Variants in GABRG3 observed in about 807,000 individuals in gnomAD.
GABRG3 encodes gamma-aminobutyric acid receptor subunit gamma-3.
A neutral mutation model predicts 48.8 loss-of-function variants in GABRG3; 25 were observed. The observed-to-expected ratio is 0.51, with a 90% CI of 0.37 to 0.72. The LOEUF (loss-of-function observed/expected upper bound fraction) is 0.72. GABRG3 is among the 30% of genes least tolerant of loss of function. The probability of loss-of-function intolerance (pLI) is 0.00; values close to 1 mark genes in which losing one functional copy is unlikely to be tolerated. For missense variants in GABRG3, 394 were observed against 577.9 expected (o/e 0.68, Z 3.26); for synonymous variants, 227 against 217.6 (o/e 1.04, Z -0.38).
At chr15:27,353,968 C>T (rs905775180) in intron 5 of GABRG3, among the ~76,000 whole-genome samples, 2 of 152,148 alleles carry the variant, frequency 1.3e-5, no homozygotes, top group African/African-American at 4.8e-5. Context: ...GCACCTCCAG[C>T]CCCTGGGGCA....
intron 3 of GABRG3, among the ~76,000 whole-genome samples, chr15:27,311,526 G>A (rs191108834): frequency 2.6e-4 from 39 of 152,038 alleles, no homozygotes; most frequent in Non-Finnish European, 7.4e-5. Context: ...GCAGCTAGTC[G>A]CCACAGCTTT....
chr15:27,432,621 T>C (rs1054952942), intron 5 of GABRG3, among the ~76,000 whole-genome samples: 1 of 152,174 alleles, frequency 6.6e-6, no homozygotes, highest in African/African-American at 2.4e-5. Flanking sequence ...GTCTCAGGTT[T>C]TTCCAGAACA....
Position 27,536,796 on chromosome 15 carries a change from C to A in GABRG3, c.*3915C>A, listed in dbSNP as rs539460498. ...ACACTCGAAGCAACAGGAGAGGGGC[C>A]GGTAACCCATTCTGCATTGACTCCA... is the stretch of plus-strand genomic sequence containing the variant. On this transcript the variant is annotated 3_prime_UTR_variant, in exon 10 of 10. Coordinates refer to ENST00000615808, the MANE Select transcript of GABRG3 (RefSeq NM_033223.5). 1 of 152,062 alleles carries A rather than the reference C, an allele frequency of 6.6e-6. No homozygotes were observed. The highest frequency in any genetic ancestry group is 1.9e-4 in the East Asian group (1 of 5,190). The allele number at this position is 152,062 out of a possible 1,614,324, so 9.4% of individuals were successfully genotyped here. A position where few individuals can be genotyped will look rare whatever the true frequency, so the allele number is the denominator to read the frequency against.
At chr15:27,043,572 C>G (rs1255337746) in intron 3 of GABRG3, among the ~76,000 whole-genome samples, 1 of 152,202 alleles carries the variant, frequency 6.6e-6, no homozygotes, top group Non-Finnish European at 1.5e-5. Context: ...TCCCATGCTT[C>G]TGCTTCCTTC....
At chr15:27,360,845 T>G in intron 5 of GABRG3, among the ~76,000 whole-genome samples, 1 of 152,226 alleles carries the variant, frequency 6.6e-6, no homozygotes, top group South Asian at 2.1e-4. Flanking sequence ...CCTGATGAGT[T>G]TGTGGGATGC....
chr15:27,386,495 G>T (rs564221357), intron 5 of GABRG3, among the ~76,000 whole-genome samples: 1 of 152,100 alleles, frequency 6.6e-6, no homozygotes, highest in South Asian at 2.1e-4. Flanking sequence ...GTTTGTCACC[G>T]AGATCTATAT....
intron 3 of GABRG3, among the ~76,000 whole-genome samples, chr15:27,063,183 A>G (rs1294013970): frequency 6.6e-6 from 1 of 152,258 alleles, no homozygotes; most frequent in African/African-American, 2.4e-5. Flanking sequence ...AGTGGAAAGC[A>G]GCTGACCAAC....
intron 3 of GABRG3, among the ~76,000 whole-genome samples, chr15:27,103,439 C>A: frequency 6.6e-6 from 1 of 152,150 alleles, no homozygotes; most frequent in East Asian, 1.9e-4. Context: ...ATCCAGGGTC[C>A]ACAGCATGTC....
rs1225872353 is a variant in GABRG3, at chr15:27,351,611, GTA to G, written c.574+22725_574+22726del. 6.1e-5 allele frequency among the ~76,000 whole-genome samples: 9 copies of G among 146,664 alleles called. No individual in the cohort carries two copies. The South Asian group carries it at 6.7e-4, about 11-fold the overall frequency. On this transcript the variant is annotated intron_variant, in intron 5 of 9. Coordinates refer to ENST00000615808, the MANE Select transcript of GABRG3 (RefSeq NM_033223.5). ...TGTGTATGGCGTTTGTGTGTGTATG[GTA>G]TGTGTGTGTATGGTATGTGTTTGTG...
At chr15:27,297,352 G>C (rs1892030177) in intron 3 of GABRG3, among the ~76,000 whole-genome samples, 1 of 152,128 alleles carries the variant, frequency 6.6e-6, no homozygotes, top group Non-Finnish European at 1.5e-5. Context: ...GGATGTCTTG[G>C]CCTTCACATT....
chr15:27,133,020 A>G (rs1414623189), intron 3 of GABRG3, among the ~76,000 whole-genome samples: 3 of 151,848 alleles, frequency 2.0e-5, no homozygotes, highest in Admixed American at 6.6e-5. Flanking sequence ...TTACCGCAAG[A>G]TATTTTCTAA....
At chr15:27,383,396 C>G (rs981747550) in intron 5 of GABRG3, among the ~76,000 whole-genome samples, 1 of 152,052 alleles carries the variant, frequency 6.6e-6, no homozygotes, top group African/African-American at 2.4e-5. Context: ...TGTGATATGC[C>G]CCATAGAAAC....
intron 3 of GABRG3, among the ~76,000 whole-genome samples, chr15:27,316,332 G>A (rs910606004): frequency 6.9e-6 from 1 of 145,196 alleles, no homozygotes; most frequent in African/African-American, 2.6e-5. Context: ...AGCTTGCAGT[G>A]AGCCGAGATC....
intron 3 of GABRG3, among the ~76,000 whole-genome samples, chr15:27,130,827 C>T (rs151160716): frequency 3.6e-4 from 55 of 152,040 alleles, no homozygotes; most frequent in Non-Finnish European, 5.7e-4. Context: ...TTCTTTGTTA[C>T]GTGAAAATAT....
chr15:27,434,952 C>G (rs957551485), intron 5 of GABRG3, among the ~76,000 whole-genome samples: 2 of 152,158 alleles, frequency 1.3e-5, no homozygotes, highest in Non-Finnish European at 2.9e-5. Context: ...TTCCACTTCT[C>G]TCCAATCCAA....
At chr15:27,307,261 T>TATAACCATAGGTTTA (rs1217334641) in intron 3 of GABRG3, among the ~76,000 whole-genome samples, 10 of 40,126 alleles carry the variant, frequency 2.5e-4, no homozygotes, top group African/African-American at 7.9e-4. Context: ...CATGTTCATA[T>TATAACCATAGGTTTA]TATATGTTTA....
At position 27,137,656 on chromosome 15, in the gene GABRG3, C is replaced by CT. The variant is rs1276410171; in HGVS notation, c.270+110836dup. ...TCGTGTGACCAACTGTTTCATAACA[C>CT]TGACTCCCTAACTTATCTCTGTTTT... On this transcript the variant is annotated intron_variant, in intron 3 of 9. Coordinates refer to ENST00000615808, the MANE Select transcript of GABRG3 (RefSeq NM_033223.5). 4.7e-5 allele frequency among the ~76,000 whole-genome samples: 7 copies of CT among 147,942 alleles called. No homozygotes were observed. The East Asian group carries it at 1.2e-3, about 25-fold the overall frequency.
chr15:27,170,829 G>A (rs1887543681), intron 3 of GABRG3, among the ~76,000 whole-genome samples: 1 of 152,166 alleles, frequency 6.6e-6, no homozygotes, highest in Admixed American at 6.5e-5. Context: ...GTTGTCCTGA[G>A]TGTTTAAAAT....
At chr15:27,285,687 A>G (rs1436588685) in intron 3 of GABRG3, among the ~76,000 whole-genome samples, 1 of 152,192 alleles carries the variant, frequency 6.6e-6, no homozygotes, top group Non-Finnish European at 1.5e-5. Context: ...TTAGACACTG[A>G]GCTATTCCAG....
Sources: allele counts gnomAD v4.1 joint callset (sites outside exome capture counted in the v4.1 genomes callset), GRCh38; gene constraint gnomAD v4.1.1; transcripts MANE v1.5; gene names NCBI Gene and HGNC (gene_info 2026-07-23, HGNC 2026-07-21).